Variants in MALRD1 observed in about 807,000 individuals in gnomAD.
The protein encoded by MALRD1 is MAM and LDL-receptor class A domain-containing protein 1.
A neutral mutation model predicts 242.1 loss-of-function variants in MALRD1; 247 were observed. The ratio of observed to expected loss-of-function variants is 1.02; its 90% CI spans 0.92 to 1.13. The LOEUF is 1.13. MALRD1 is among the 50% of genes most tolerant of loss of function. The probability of loss-of-function intolerance (pLI) is 0.00; values close to 1 mark genes in which losing one functional copy is unlikely to be tolerated. For missense variants in MALRD1, 2,989 were observed against 2,533.1 expected, an observed-to-expected ratio of 1.18 and a Z score of -3.86; for synonymous variants, 995 against 866.6, an observed-to-expected ratio of 1.15 and a Z score of -2.60.
chr10:19,205,212 G>A lies in MALRD1; in HGVS notation c.2525G>A (p.Arg842Gln), dbSNP rs189932444. 374 of 1,550,972 alleles carry A rather than the reference G, an allele frequency of 2.4e-4. 1 individual carries two copies. The Middle Eastern group carries it at 3.5e-3, about 15-fold the overall frequency. ...ACCAGGGCTTGCATAGAAAAGCTTC[G>A]GTTATGTGATCTGGTGGATGACTGT... ...RHTRACIEKL[R>Q]LCDLVDDCGD... Residue 842 changes from arginine (R) to glutamine (Q), a missense_variant, in exon 17 of 40, where the codon CGG (arginine) becomes CAG (glutamine). Coordinates refer to ENST00000454679, the MANE Select transcript of MALRD1 (RefSeq NM_001142308.3).
chr10:19,454,431 T>TATATATATATATATATATATACATAC (rs1011890675), intron 29 of MALRD1, among the ~76,000 whole-genome samples: 1 of 136,712 alleles, frequency 7.3e-6, no homozygotes, highest in African/African-American at 2.7e-5. Context: ...TATATATATA[T>TATATATATATATATATATATACATAC]AATTATATGA....
intron 24 of MALRD1, among the ~76,000 whole-genome samples, chr10:19,334,845 T>G (rs1843532365): frequency 6.6e-6 from 1 of 152,120 alleles, no homozygotes; most frequent in Non-Finnish European, 1.5e-5. Flanking sequence ...GCACATATAA[T>G]GCTTTTGAAT....
chr10:19,237,379 A>G (rs1011280073), intron 18 of MALRD1, among the ~76,000 whole-genome samples: 1 of 149,798 alleles, frequency 6.7e-6, no homozygotes, highest in Non-Finnish European at 1.5e-5. Context: ...TATGAGAGAG[A>G]TCATGCGGTA....
intron 36 of MALRD1, among the ~76,000 whole-genome samples, chr10:19,683,950 C>T (rs897259048): frequency 3.3e-5 from 5 of 151,982 alleles, no homozygotes; most frequent in Non-Finnish European, 5.9e-5. Context: ...CCCAGCAGGC[C>T]CCGGTGTGTG....
At position 19,215,275 on chromosome 10, in the gene MALRD1, T is replaced by A. The variant is rs117958649; in HGVS notation, c.2991+5595T>A. On this transcript the variant is annotated intron_variant, in intron 18 of 39. Coordinates refer to ENST00000454679, the MANE Select transcript of MALRD1 (RefSeq NM_001142308.3). ...CTGGGCACAACACTTCTGGCACCCATGCAGTGGAAAGTTGGTTCAACTTTA... is the reference window on the plus strand; with the variant it reads ...CTGGGCACAACACTTCTGGCACCCAAGCAGTGGAAAGTTGGTTCAACTTTA... Among the ~76,000 whole-genome samples the A allele has an allele frequency of 7.3e-3, 1,107 of 152,340 alleles. 7 individuals are homozygous for A. Among genetic ancestry groups the A allele is most frequent in the South Asian group, 0.03 (145 of 4,824 alleles).
At chr10:19,586,322 T>A (rs1169608705) in intron 33 of MALRD1, among the ~76,000 whole-genome samples, 1 of 152,146 alleles carries the variant, frequency 6.6e-6, no homozygotes, top group African/African-American at 2.4e-5. Context: ...GAGTTTCCAG[T>A]TTTTCTGCTC....
chr10:19,380,303 C>T (rs1845784895), intron 26 of MALRD1, among the ~76,000 whole-genome samples: 1 of 146,404 alleles, frequency 6.8e-6, no homozygotes. Flanking sequence ...GATTGAATGA[C>T]CCTTTATTAC....
In MALRD1 at chr10:19,171,654, A is replaced by ATGTGTGTATATAAATACACACATATATG; in HGVS notation, c.1831-3551_1831-3550insGTGTATATAAATACACACATATATGTGT. On this transcript the variant is annotated intron_variant, in intron 13 of 39. Coordinates refer to ENST00000454679, the MANE Select transcript of MALRD1 (RefSeq NM_001142308.3). ...TATATAAATACACACACACATATATATGTCTATGTGTGTATATAAATACAC... is the reference window on the plus strand; with the variant it reads ...TATATAAATACACACACACATATATATGTGTGTATATAAATACACACATATATGTGTCTATGTGTGTATATAAATACAC... Among the ~76,000 whole-genome samples the ATGTGTGTATATAAATACACACATATATG allele has an allele frequency of 1.6e-5, 2 of 126,340 alleles. 1 individual carries two copies. The highest frequency in any genetic ancestry group is 3.5e-5 in the Non-Finnish European group (2 of 57,744). The allele number at this position is 126,340 out of a possible 152,430, so 82.9% of individuals were successfully genotyped here.
intron 12 of MALRD1, among the ~76,000 whole-genome samples, chr10:19,162,094 T>C (rs1388305406): frequency 6.6e-6 from 1 of 151,968 alleles, no homozygotes; most frequent in African/African-American, 2.4e-5. Context: ...GGAAATGAAT[T>C]TTTCACTTTG....
chr10:19,088,544 T>C (rs1339536325), intron 4 of MALRD1, among the ~76,000 whole-genome samples: 4 of 141,986 alleles, frequency 2.8e-5, no homozygotes, highest in African/African-American at 1.1e-4. Context: ...TTCTTTTTTT[T>C]TTTTTTTTAT....
intron 21 of MALRD1, among the ~76,000 whole-genome samples, chr10:19,291,734 A>G (rs985169841): frequency 6.6e-6 from 1 of 151,748 alleles, no homozygotes; most frequent in Non-Finnish European, 1.5e-5. Flanking sequence ...TGTAATAACT[A>G]ATTTAAAAAA....
chr10:19,716,943 A>G (rs560795605), intron 38 of MALRD1: 2 of 152,338 alleles, frequency 1.3e-5, no homozygotes, highest in South Asian at 4.1e-4. Context: ...CCCCTCATCA[A>G]TCAAGTATTT....
rs574676915 is a variant in MALRD1, at chr10:19,341,568, C to A, written c.3902-6203C>A. Reference sequence around the variant, plus strand: ...TATATACACACACACGTATTTTATACATACATGTATATAAAACACTCACAC... The same window carrying A: ...TATATACACACACACGTATTTTATAAATACATGTATATAAAACACTCACAC... On this transcript the variant is annotated intron_variant, in intron 24 of 39. Coordinates refer to ENST00000454679, the MANE Select transcript of MALRD1 (RefSeq NM_001142308.3). Among the ~76,000 whole-genome samples the A allele has an allele frequency of 3.5e-5, 4 of 113,326 alleles. No homozygotes were observed. The East Asian group carries it at 9.5e-4, about 27-fold the overall frequency. The allele number at this position is 113,326 out of a possible 152,430, so 74.3% of individuals were successfully genotyped here. A position where few individuals can be genotyped will look rare whatever the true frequency, so the allele number is the denominator to read the frequency against.
intron 32 of MALRD1, among the ~76,000 whole-genome samples, chr10:19,532,318 G>A (rs532278238): frequency 4.6e-5 from 7 of 152,218 alleles, no homozygotes; most frequent in South Asian, 2.1e-4. Context: ...GCAGTGGTGC[G>A]ATCTCAGTTC....
intron 32 of MALRD1, among the ~76,000 whole-genome samples, chr10:19,556,380 A>G (rs533995774): frequency 6.6e-6 from 1 of 152,254 alleles, no homozygotes; most frequent in Non-Finnish European, 1.5e-5. Flanking sequence ...TATCCATAGT[A>G]TCATGCAGAG....
At chr10:19,304,353 CTG>C (rs376383146) in intron 21 of MALRD1, among the ~76,000 whole-genome samples, 1 of 151,476 alleles carries the variant, frequency 6.6e-6, no homozygotes, top group Admixed American at 6.6e-5. Context: ...CTCTCTCTCT[CTG>C]CCTCTCTGTA....
In MALRD1 at chr10:19,166,680, T is replaced by G. The variant is rs192374243; in HGVS notation, c.1830+870T>G. On this transcript the variant is annotated intron_variant, in intron 13 of 39. Coordinates refer to ENST00000454679, the MANE Select transcript of MALRD1 (RefSeq NM_001142308.3). ...TATATGCATGTATCAAAATATCACATTTACCCCATAAATATGTACAACTAC... is the reference window on the plus strand; with the variant it reads ...TATATGCATGTATCAAAATATCACAGTTACCCCATAAATATGTACAACTAC... 7.7e-4 allele frequency among the ~76,000 whole-genome samples: 117 copies of G among 152,232 alleles called. 1 individual carries two copies. Among genetic ancestry groups the G allele is most frequent in the Non-Finnish European group, 3.8e-4 (26 of 68,010 alleles).
intron 18 of MALRD1, among the ~76,000 whole-genome samples, chr10:19,243,742 A>C (rs1838911740): frequency 6.6e-6 from 1 of 152,124 alleles, no homozygotes; most frequent in Non-Finnish European, 1.5e-5. Context: ...GAAAAGTATC[A>C]ATTTTTCTTG....
At chr10:19,360,233 C>A (rs1844830721) in intron 26 of MALRD1, among the ~76,000 whole-genome samples, 1 of 152,002 alleles carries the variant, frequency 6.6e-6, no homozygotes, top group African/African-American at 2.4e-5. Flanking sequence ...TATATTCAGT[C>A]AGCACTTGGA....
Sources: gnomAD v4.1 joint callset for allele counts (sites outside exome capture counted in the v4.1 genomes callset) on GRCh38, gnomAD v4.1.1 for gene constraint, MANE v1.5 for transcripts, NCBI Gene and HGNC (gene_info 2026-07-23, HGNC 2026-07-21) for gene names.